SLC24A4: variants seen among roughly 807,000 people sequenced by gnomAD.
SLC24A4 encodes the protein sodium/potassium/calcium exchanger 4.
SLC24A4 carries 53 observed loss-of-function variants against 79.0 expected under a neutral mutation model. The observed-to-expected ratio is 0.67, with a 90% CI of 0.54 to 0.84. The LOEUF (loss-of-function observed/expected upper bound fraction) is 0.84. SLC24A4 is among the 40% of genes least tolerant of loss of function. The pLI, the probability that SLC24A4 is intolerant of heterozygous loss-of-function variation, is 0.00. For missense variants in SLC24A4, 731 were observed against 822.0 expected (o/e 0.89, Z 1.35); for synonymous variants, 323 against 323.8 (o/e 1.00, Z 0.03).
intron 2 of SLC24A4, among the ~76,000 whole-genome samples, chr14:92,370,699 A>G (rs1407230126): frequency 1.3e-5 from 2 of 152,246 alleles, no homozygotes; most frequent in Non-Finnish European, 2.9e-5. Flanking sequence ...AGTCATAAAA[A>G]AAATTCAAGA....
intron 2 of SLC24A4, among the ~76,000 whole-genome samples, chr14:92,427,972 A>G (rs915478030): frequency 5.9e-5 from 9 of 152,196 alleles, no homozygotes; most frequent in Non-Finnish European, 1.2e-4. Context: ...GGCACCATGT[A>G]TGAACCAGGA....
intron 2 of SLC24A4, among the ~76,000 whole-genome samples, chr14:92,394,804 G>A (rs1328028225): frequency 6.6e-6 from 1 of 152,220 alleles, no homozygotes; most frequent in Non-Finnish European, 1.5e-5. Flanking sequence ...TGGGATATCA[G>A]CAGTATCATT....
rs1889906812 is a variant in SLC24A4 at position 92,398,513 on chromosome 14, T to C, written c.242-35399T>C. Among the ~76,000 whole-genome samples the C allele has an allele frequency of 6.6e-6, 1 of 152,108 alleles. No individual in the cohort carries two copies. Among genetic ancestry groups the C allele is most frequent in the Admixed American group, 6.6e-5 (1 of 15,260 alleles). ...GGGCAGCCTCCAACGTCTGATGTTA[T>C]TGACATCTCCTTCTCTTTCCTGAAG... On this transcript the variant is annotated intron_variant, in intron 2 of 16. Transcript: ENST00000532405. This position sits in a 1 kb window ranked among gnomAD's most constrained non-coding sequence, Gnocchi z 4.1.
chr14:92,474,645 C>A (rs1894613168), intron 12 of SLC24A4, among the ~76,000 whole-genome samples: 1 of 132,272 alleles, frequency 7.6e-6, no homozygotes, highest in Non-Finnish European at 1.6e-5. Flanking sequence ...CCACAACGCC[C>A]AGCTAATTTT....
At chr14:92,324,045 C>A in intron 1 of SLC24A4, 85 bp downstream of exon 1, 2 of 1,519,052 alleles carry the variant, frequency 1.3e-6, no homozygotes, top group East Asian at 4.9e-5. Flanking sequence ...ATGTTTTCCC[C>A]TCCTTCCTCA....
Position 92,495,039 on chromosome 14 carries a change from A to C in SLC24A4, c.*1411A>C, listed in dbSNP as rs1895876422. On this transcript the variant is annotated 3_prime_UTR_variant, in exon 17 of 17. Transcript: ENST00000532405. ...AGTCTATCCGATTTGATGCACTTTGAATATTGAGATATTTTGCACGGATGA... is the reference window on the plus strand; with the variant it reads ...AGTCTATCCGATTTGATGCACTTTGCATATTGAGATATTTTGCACGGATGA... 1 of 152,596 alleles carries C rather than the reference A, an allele frequency of 6.6e-6. No individual in the cohort carries two copies. The highest frequency in any genetic ancestry group is 2.1e-4 in the South Asian group (1 of 4,820). The allele number at this position is 152,596 out of a possible 1,614,324, so 9.5% of individuals were successfully genotyped here.
At chr14:92,451,182 T>G (rs1893115168) in intron 10 of SLC24A4, 1 of 151,874 alleles carries the variant, frequency 6.6e-6, no homozygotes, top group Admixed American at 6.6e-5. Context: ...CCTCAGAAAG[T>G]GTGGAGGGAA....
intron 12 of SLC24A4, among the ~76,000 whole-genome samples, chr14:92,470,603 G>A (rs1894389089): frequency 6.6e-6 from 1 of 151,390 alleles, no homozygotes; most frequent in Non-Finnish European, 1.5e-5. Flanking sequence ...AAGGAATGAC[G>A]GCAGCCCTCC....
chr14:92,406,469 G>A (rs890107286), intron 2 of SLC24A4, among the ~76,000 whole-genome samples: 1 of 152,334 alleles, frequency 6.6e-6, no homozygotes, highest in African/African-American at 2.4e-5. Flanking sequence ...CCCTAGTAGA[G>A]GTTCTCCATG....
intron 13 of SLC24A4, among the ~76,000 whole-genome samples, chr14:92,483,118 G>T (rs1471081636): frequency 6.6e-6 from 1 of 152,144 alleles, no homozygotes; most frequent in Non-Finnish European, 1.5e-5. Context: ...CACTGTTCTG[G>T]TGTTACAGGC....
At chr14:92,379,638 G>A (rs868772190) in intron 2 of SLC24A4, among the ~76,000 whole-genome samples, 1 of 152,136 alleles carries the variant, frequency 6.6e-6, no homozygotes, top group Non-Finnish European at 1.5e-5. Context: ...GGGCATGGGA[G>A]TGCTGGAGAG....
chr14:92,480,658 A>G (rs1356180850), intron 12 of SLC24A4, among the ~76,000 whole-genome samples: 1 of 152,038 alleles, frequency 6.6e-6, no homozygotes, highest in African/African-American at 2.4e-5. Context: ...ACTATATCCC[A>G]TAAGCTTTAG....
chr14:92,483,434 G>A (rs1449667978), intron 13 of SLC24A4, among the ~76,000 whole-genome samples: 1 of 152,202 alleles, frequency 6.6e-6, no homozygotes, highest in Non-Finnish European at 1.5e-5. Context: ...CAGTTAGTGA[G>A]TGCCAGAGTT....
intron 10 of SLC24A4, among the ~76,000 whole-genome samples, 191 bp downstream of exon 10, chr14:92,449,407 G>A (rs1024289456): frequency 1.3e-5 from 2 of 152,124 alleles, no homozygotes; most frequent in Admixed American, 6.5e-5. Flanking sequence ...AGTCAGTATG[G>A]GAGATGGGGT....
chr14:92,473,882 A>C (rs1233948915), intron 12 of SLC24A4, among the ~76,000 whole-genome samples: 1 of 152,230 alleles, frequency 6.6e-6, no homozygotes, highest in East Asian at 1.9e-4. Context: ...AGGCAGGAGC[A>C]CAAATGTGCC....
intron 12 of SLC24A4, among the ~76,000 whole-genome samples, chr14:92,481,974 C>T (rs1414696070): frequency 6.6e-6 from 1 of 152,108 alleles, no homozygotes; most frequent in African/African-American, 2.4e-5. Flanking sequence ...TTCTGGATTC[C>T]CTTGGTAGGG....
At chr14:92,464,701 C>T (rs11160067) in intron 12 of SLC24A4, among the ~76,000 whole-genome samples, 103,823 of 152,026 alleles carry the variant, frequency 0.68, 36,300 homozygotes, top group Non-Finnish European at 0.76. Context: ...GAGATGTCAC[C>T]GTTAGCTTTC....
chr14:92,333,848 T>G (rs1595127374), intron 2 of SLC24A4, among the ~76,000 whole-genome samples: 2 of 146,784 alleles, frequency 1.4e-5, no homozygotes, highest in Admixed American at 6.9e-5. Flanking sequence ...CTGGTGGGGG[T>G]GGGACCCTGG....
chr14:92,351,704 GA>G (rs145029634), intron 2 of SLC24A4, among the ~76,000 whole-genome samples: 28 of 149,368 alleles, frequency 1.9e-4, no homozygotes, highest in South Asian at 1.7e-3. Context: ...TAAAAATACT[GA>G]AAAAAAAAAT....
Sources: allele counts gnomAD v4.1 joint callset (sites outside exome capture counted in the v4.1 genomes callset), GRCh38; gene constraint gnomAD v4.1.1; non-coding constraint Gnocchi (gnomAD v3.1); transcripts MANE v1.5; gene names NCBI Gene and HGNC (gene_info 2026-07-23, HGNC 2026-07-21).